The following SCARA3 variants were observed in gnomAD, a reference collection of about 807,000 sequenced individuals.
SCARA3 encodes the protein scavenger receptor class A member 3.
In SCARA3, 39 loss-of-function variants were observed where a neutral mutation model predicts 47.0. The ratio of observed to expected loss-of-function variants is 0.83; its 90% CI spans 0.64 to 1.08. The LOEUF is 1.08. Among genes scored for constraint, SCARA3 ranks in the 50% least tolerant of loss-of-function variants. The pLI, the probability that SCARA3 is intolerant of heterozygous loss-of-function variation, is 0.00. For missense variants in SCARA3, 724 were observed against 792.3 expected (o/e 0.91, Z 1.04); for synonymous variants, 356 against 334.1 (o/e 1.07, Z -0.71).
At chr8:27,660,806 A>G (rs1212070425) in intron 5 of SCARA3, among the ~76,000 whole-genome samples, 4 of 151,704 alleles carry the variant, frequency 2.6e-5, no homozygotes, top group African/African-American at 9.7e-5. Context: ...GATGAGATAG[A>G]TAGAAAATAG....
At chr8:27,657,762 G>C (rs1399473064) in intron 4 of SCARA3, among the ~76,000 whole-genome samples, 1 of 151,622 alleles carries the variant, frequency 6.6e-6, no homozygotes, top group Non-Finnish European at 1.5e-5. Flanking sequence ...GGATGGTCTC[G>C]ATCTCCTGAC....
the SCARA3 span, chr8:27,701,099 C>CA: frequency 9.0e-5 from 13 of 144,118 alleles, no homozygotes; most frequent in African/African-American, 3.0e-4. Context: ...AAAAAAAAAA[C>CA]AAAAAAACTA....
intron 3 of SCARA3, among the ~76,000 whole-genome samples, chr8:27,652,832 A>G (rs1801661091): frequency 6.6e-6 from 1 of 152,202 alleles, no homozygotes; most frequent in Non-Finnish European, 1.5e-5. Flanking sequence ...TACTAGTGCC[A>G]GAGTACCCCC....
the SCARA3 span, among the ~76,000 whole-genome samples, chr8:27,715,806 TATAGATAGATAGATAGATGATAGATAG>T: frequency 6.8e-6 from 1 of 146,374 alleles, no homozygotes; most frequent in African/African-American, 2.5e-5. This position sits in a 1 kb window ranked among gnomAD's most constrained non-coding sequence, Gnocchi z 4.2. Flanking sequence ...AGATGACAGA[TATAGATAGATAGATAGATGATAGATAG>T]ATAGATAGAT....
intron 2 of SCARA3, 95 bp from the exon 3 acceptor site, chr8:27,651,413 T>G: frequency 6.9e-7 from 1 of 1,448,100 alleles, no homozygotes; most frequent in East Asian, 2.3e-5. Flanking sequence ...GGTTTGAATG[T>G]GATGAGACAG....
chr8:27,641,172 C>T (rs1204695167), intron 1 of SCARA3, among the ~76,000 whole-genome samples: 1 of 152,224 alleles, frequency 6.6e-6, no homozygotes, highest in Non-Finnish European at 1.5e-5. Flanking sequence ...TAATTATTCT[C>T]TTAACATGAA....
In SCARA3 at chr8:27,636,767, T is replaced by C. The variant is rs903363886; in HGVS notation, c.7+2560T>C. 4.6e-5 allele frequency among the ~76,000 whole-genome samples: 7 copies of C among 152,182 alleles called. No individual in the cohort carries two copies. The South Asian group carries it at 1.2e-3, about 27-fold the overall frequency. On this transcript the variant is annotated intron_variant, in intron 1 of 5. Transcript: ENST00000301904. ...CTCCCATAACATCACAGGGGCTGCA[T>C]GGGCTGCGGGGCTGGGGGCTGACTT...
At chr8:27,731,092 C>CT in the SCARA3 span, among the ~76,000 whole-genome samples, 16 of 147,020 alleles carry the variant, frequency 1.1e-4, no homozygotes, top group East Asian at 4.0e-4. Context: ...CCGCTTTTAT[C>CT]TTTTTTTTCT....
the SCARA3 span, among the ~76,000 whole-genome samples, chr8:27,721,426 T>C: frequency 6.6e-6 from 1 of 152,034 alleles, no homozygotes. Context: ...GTCCAACAAA[T>C]AGATAGAAAA....
At chr8:27,690,454 T>C in the SCARA3 span, among the ~76,000 whole-genome samples, 2 of 152,308 alleles carry the variant, frequency 1.3e-5, no homozygotes, top group East Asian at 3.9e-4. Context: ...CAAGGATATT[T>C]ATTGAAGCAG....
the SCARA3 span, among the ~76,000 whole-genome samples, chr8:27,731,092 CTTTT>C: frequency 4.9e-4 from 72 of 147,020 alleles, no homozygotes; most frequent in African/African-American, 1.6e-3. Flanking sequence ...CCGCTTTTAT[CTTTT>C]TTTTCTTTTT....
chr8:27,656,768 T>A lies in SCARA3; in HGVS notation c.227-14T>A. The A allele has an allele frequency of 6.5e-7, 1 of 1,530,198 alleles. No homozygotes were observed. Among genetic ancestry groups the A allele is most frequent in the Non-Finnish European group, 9.1e-7 (1 of 1,103,480 alleles). 94.8% of individuals were successfully genotyped at this position (1,530,198 alleles called of 1,614,324 possible). ...TTAGACCCTGCCCCAGCTTCTCATC[T>A]GTTTTCCCTACAGTTTTCAGAAAAG... On this transcript the variant is annotated splice_polypyrimidine_tract_variant and intron_variant, in intron 3 of 5. Transcript: ENST00000301904.
At chr8:27,678,839 GATAAT>G (rs1178139337), downstream of SCARA3, among the ~76,000 whole-genome samples, 1 of 152,164 alleles carries the variant, frequency 6.6e-6, no homozygotes, top group African/African-American at 2.4e-5. Flanking sequence ...ATTTAAGATG[GATAAT>G]ATAAGTGGGG....
chr8:27,646,972 GCC>G (rs757314343), intron 1 of SCARA3, among the ~76,000 whole-genome samples: 674 of 23,516 alleles, frequency 0.029, 65 homozygotes, highest in East Asian at 0.19. Context: ...GACCGCCCCC[GCC>G]CCCCCCCCGC....
chr8:27,674,096 C>T (rs1802224226), downstream of SCARA3, among the ~76,000 whole-genome samples: 2 of 152,174 alleles, frequency 1.3e-5, no homozygotes, highest in Middle Eastern at 3.2e-3. Flanking sequence ...CCGCCCCAAT[C>T]CTGTTCCCTG....
the SCARA3 span, among the ~76,000 whole-genome samples, chr8:27,684,510 T>A: frequency 6.6e-6 from 1 of 151,868 alleles, no homozygotes; most frequent in South Asian, 2.1e-4. Flanking sequence ...CATAGGGAGA[T>A]CCCATCTCTA....
chr8:27,703,001 CAGGCCCGAAGCTGGGCCCAG>C, the SCARA3 span: 1 of 152,380 alleles, frequency 6.6e-6, no homozygotes, highest in Non-Finnish European at 1.5e-5. Context: ...CAGGCCCTGC[CAGGCCCGAAGCTGGGCCCAG>C]AGGCCAGCTG....
rs1042383720 is a variant in SCARA3, at chr8:27,646,312, A to G, written c.8-3390A>G. ...GCGTTACTGGAAAGCCTCGTTAGCA[A>G]TTTCCACTGGCTAACAGTTGCTAAT... On this transcript the variant is annotated intron_variant, in intron 1 of 5. Transcript: ENST00000301904. Among the ~76,000 whole-genome samples, 6 of 152,198 alleles carry G rather than the reference A, an allele frequency of 3.9e-5. No homozygotes were observed. In the East Asian group the frequency reaches 9.6e-4, roughly 24 times the overall value.
the SCARA3 span, chr8:27,697,196 G>A: frequency 4.7e-6 from 1 of 214,828 alleles, no homozygotes; most frequent in Admixed American, 4.2e-5. Context: ...CAGAGCAAAG[G>A]GAAGATGGTG....
Sources: allele counts gnomAD v4.1 joint callset (sites outside exome capture counted in the v4.1 genomes callset), GRCh38; gene constraint gnomAD v4.1.1; non-coding constraint Gnocchi (gnomAD v3.1); transcripts MANE v1.5; gene names NCBI Gene and HGNC (gene_info 2026-07-23, HGNC 2026-07-21).